Variants in CD244 observed in about 807,000 individuals in gnomAD.
CD244 encodes natural killer cell receptor 2B4.
Under a neutral mutation model 45.5 loss-of-function variants are expected in CD244, and 20 were observed. That is an observed-to-expected ratio of 0.44 (90% CI 0.31 to 0.64). The LOEUF is 0.64. Among genes scored for constraint, CD244 ranks in the 30% least tolerant of loss-of-function variants. The probability of loss-of-function intolerance (pLI) is 0.08; values close to 1 mark genes in which losing one functional copy is unlikely to be tolerated. For missense variants in CD244, 407 were observed against 426.9 expected (o/e 0.95, Z 0.41); for synonymous variants, 185 against 160.5 (o/e 1.15, Z -1.15).
chr1:160,848,193 G>A (rs2101882728), intron 1 of CD244: 4 of 525,420 alleles, frequency 7.6e-6, no homozygotes, highest in Admixed American at 2.0e-5. Flanking sequence ...GAATTTATGT[G>A]CCAGGATGTT....
intron 5 of CD244, among the ~76,000 whole-genome samples, chr1:160,837,208 G>A (rs762633950): frequency 5.3e-5 from 8 of 152,200 alleles, no homozygotes; most frequent in Non-Finnish European, 1.0e-4. Context: ...GTCGGAAGAA[G>A]TAAGCTAATA....
Position 160,841,881 on chromosome 1 carries a change from G to T in CD244, c.82C>A (p.His28Asn). ...QGKGCQGSAD[H>N]VVSISGVPLQ... ...GGCACTCCCGAGATGCTAACCACAT[G>T]GTCAGCTGATCCCTGGCATCCTAGG... Residue 28 changes from histidine (H) to asparagine (N), a missense_variant, in exon 2 of 9, where the codon CAT becomes AAT. Coordinates refer to ENST00000368034, the MANE Select transcript of CD244 (RefSeq NM_016382.4). 1 of 1,613,942 alleles carries T rather than the reference G, an allele frequency of 6.2e-7. No individual in the cohort carries two copies.
chr1:160,855,937 T>C (rs953867497), intron 1 of CD244, among the ~76,000 whole-genome samples: 7 of 152,118 alleles, frequency 4.6e-5, no homozygotes, highest in Non-Finnish European at 1.0e-4. Context: ...CTGAGTCAGC[T>C]CAGCTTCCTC....
intron 7 of CD244, among the ~76,000 whole-genome samples, chr1:160,833,742 G>A (rs149640762): frequency 2.6e-5 from 4 of 152,232 alleles, no homozygotes; most frequent in Admixed American, 6.5e-5. Flanking sequence ...TAAGTACCCC[G>A]TAGTCTCTCT....
At chr1:160,843,600 T>A (rs1669622445) in intron 1 of CD244, among the ~76,000 whole-genome samples, 1 of 152,216 alleles carries the variant, frequency 6.6e-6, no homozygotes, top group South Asian at 2.1e-4. Context: ...CCCTTAATTG[T>A]TGAGATAAAA....
intron 7 of CD244, among the ~76,000 whole-genome samples, chr1:160,833,428 C>A (rs750909885): frequency 6.6e-6 from 1 of 152,228 alleles, no homozygotes; most frequent in Non-Finnish European, 1.5e-5. Flanking sequence ...GGGAACACCA[C>A]TCTTCCCATC....
chr1:160,839,181 A>C, intron 3 of CD244, 132 bp from the exon 4 acceptor site: 1 of 620,722 alleles, frequency 1.6e-6, no homozygotes, highest in Non-Finnish European at 2.8e-6. Flanking sequence ...TGCTCTGAGA[A>C]CTCACGGTCA....
At chr1:160,844,811 C>T (rs1342594152) in intron 1 of CD244, among the ~76,000 whole-genome samples, 1 of 152,054 alleles carries the variant, frequency 6.6e-6, no homozygotes, top group Non-Finnish European at 1.5e-5. Context: ...CTCGTCTCTA[C>T]TAACGATACA....
chr1:160,853,883 T>C (rs1415420944), intron 1 of CD244, among the ~76,000 whole-genome samples: 1 of 142,890 alleles, frequency 7.0e-6, no homozygotes, highest in Non-Finnish European at 1.5e-5. Flanking sequence ...GTGCCCAGGG[T>C]GTGAGGCAAG....
intron 1 of CD244, among the ~76,000 whole-genome samples, chr1:160,859,642 C>T (rs115565376): frequency 0.017 from 2,604 of 151,644 alleles, 79 homozygotes; most frequent in African/African-American, 0.06. Context: ...CATGATGGCT[C>T]ACACTTGTAG....
chr1:160,850,668 G>A (rs1001188424), intron 1 of CD244, among the ~76,000 whole-genome samples: 3 of 152,110 alleles, frequency 2.0e-5, no homozygotes, highest in Admixed American at 1.3e-4. Flanking sequence ...CCTGTGTGTG[G>A]GAAAAACACT....
Position 160,832,853 on chromosome 1 carries a change from CAT to C in CD244, c.961-280_961-279del, listed in dbSNP as rs10643819. 2.3e-5 allele frequency: 8 copies of C among 354,960 alleles called. No homozygotes were observed. In the East Asian group the frequency reaches 2.7e-4, roughly 12 times the overall value. 22.0% of individuals were successfully genotyped at this position (354,960 alleles called of 1,614,324 possible). Reference sequence around the variant, plus strand: ...CCCACATACACCTAAAACCCATACACATATGTGTGTGTGTGTGTATATATATA... The same window carrying C: ...CCCACATACACCTAAAACCCATACACATGTGTGTGTGTGTGTATATATATA... On this transcript the variant is annotated intron_variant, in intron 7 of 8. Transcript: ENST00000368034.
At chr1:160,831,979 C>T (rs910782052) in intron 8 of CD244, among the ~76,000 whole-genome samples, 1 of 152,142 alleles carries the variant, frequency 6.6e-6, no homozygotes, top group Non-Finnish European at 1.5e-5. Flanking sequence ...GGCAGGCTAC[C>T]TTATCCATAA....
intron 7 of CD244, among the ~76,000 whole-genome samples, chr1:160,833,718 C>T (rs1287989268): frequency 1.3e-5 from 2 of 152,236 alleles, no homozygotes; most frequent in South Asian, 2.1e-4. Flanking sequence ...TCACCATAGC[C>T]TCAGCTGACC....
intron 1 of CD244, among the ~76,000 whole-genome samples, chr1:160,856,056 T>A (rs1347058871): frequency 6.6e-6 from 1 of 152,158 alleles, no homozygotes; most frequent in African/African-American, 2.4e-5. Flanking sequence ...CAAATAGATG[T>A]TAAGGTTTTC....
chr1:160,831,725 G>A (rs910823661), intron 8 of CD244, among the ~76,000 whole-genome samples: 8 of 152,124 alleles, frequency 5.3e-5, no homozygotes, highest in Admixed American at 5.2e-4. Context: ...TTAATGTTGG[G>A]TGATAGCTGA....
chr1:160,856,770 A>G (rs759551649), intron 1 of CD244, among the ~76,000 whole-genome samples: 88 of 152,192 alleles, frequency 5.8e-4, no homozygotes, highest in Admixed American at 1.6e-3. Context: ...GAAAGAGTTT[A>G]TGAATAAGAC....
intron 1 of CD244, among the ~76,000 whole-genome samples, chr1:160,843,476 AG>A (rs1489945715): frequency 6.6e-6 from 1 of 152,240 alleles, no homozygotes; most frequent in Non-Finnish European, 1.5e-5. Context: ...GTCCTTACTG[AG>A]TCCCACTGCA....
At chr1:160,842,867 A>G (rs527860544) in intron 1 of CD244, among the ~76,000 whole-genome samples, 6 of 152,276 alleles carry the variant, frequency 3.9e-5, no homozygotes, top group Non-Finnish European at 7.4e-5. Flanking sequence ...AGTGTACAAA[A>G]CTGGAAGTTC....
Sources: gnomAD v4.1 joint callset for allele counts (sites outside exome capture counted in the v4.1 genomes callset) on GRCh38, gnomAD v4.1.1 for gene constraint, MANE v1.5 for transcripts, NCBI Gene and HGNC (gene_info 2026-07-23, HGNC 2026-07-21) for gene names.